ADK: variants seen among roughly 807,000 people sequenced by gnomAD.
ADK encodes the protein N6,N6-dimethyladenosine kinase.
A neutral mutation model predicts 44.7 loss-of-function variants in ADK; 24 were observed. The observed-to-expected ratio is 0.54, with a 90% CI of 0.39 to 0.76. ADK has a LOEUF of 0.76. Among genes scored for constraint, ADK ranks in the 30% least tolerant of loss-of-function variants. ADK has a pLI of 0.00. For synonymous variants in ADK, 128 were observed against 142.6 expected (o/e 0.90, Z 0.73); for missense variants, 321 against 425.1 (o/e 0.76, Z 2.15).
chr10:74,514,573 A>G (rs957577242), intron 6 of ADK, among the ~76,000 whole-genome samples: 3 of 151,578 alleles, frequency 2.0e-5, no homozygotes, highest in African/African-American at 7.3e-5. Context: ...TCATTCATTA[A>G]ATTCTTCAGC....
At chr10:74,214,631 A>G (rs1233874130) in intron 2 of ADK, among the ~76,000 whole-genome samples, 1 of 152,236 alleles carries the variant, frequency 6.6e-6, no homozygotes, top group African/African-American at 2.4e-5. Flanking sequence ...TCAAGGCACT[A>G]AGCTCTGTGC....
At chr10:74,683,124 A>T (rs1185109811) in intron 10 of ADK, among the ~76,000 whole-genome samples, 2 of 152,192 alleles carry the variant, frequency 1.3e-5, no homozygotes, top group African/African-American at 2.4e-5. Flanking sequence ...GCAGGGGGAA[A>T]CCATTACTTT....
chr10:74,631,953 T>G (rs1336382274), intron 9 of ADK, among the ~76,000 whole-genome samples: 1 of 152,164 alleles, frequency 6.6e-6, no homozygotes, highest in African/African-American at 2.4e-5. Flanking sequence ...CTTCTTTTTT[T>G]TTCTAACAGC....
intron 6 of ADK, among the ~76,000 whole-genome samples, chr10:74,474,021 T>G (rs1305765211): frequency 6.6e-6 from 1 of 152,236 alleles, no homozygotes; most frequent in Non-Finnish European, 1.5e-5. Context: ...ACAACTATGG[T>G]GTTCTAATGG....
chr10:74,380,619 G>A (rs1237885293), intron 4 of ADK, among the ~76,000 whole-genome samples: 1 of 152,026 alleles, frequency 6.6e-6, no homozygotes, highest in African/African-American at 2.4e-5. Flanking sequence ...TTAGCTGGGT[G>A]TGGTGGCATG....
intron 4 of ADK, among the ~76,000 whole-genome samples, chr10:74,334,241 CT>C (rs1030470304): frequency 2.0e-5 from 3 of 152,166 alleles, no homozygotes; most frequent in Admixed American, 6.5e-5. Flanking sequence ...TTTGTGAAGA[CT>C]GTAAGGTTCT....
chr10:74,245,057 A>G (rs550962151), intron 3 of ADK, among the ~76,000 whole-genome samples: 4 of 152,212 alleles, frequency 2.6e-5, no homozygotes, highest in African/African-American at 9.6e-5. Flanking sequence ...GATGCTTGTT[A>G]TAAGTATTTG....
chr10:74,280,746 C>T (rs1330263646), intron 3 of ADK, among the ~76,000 whole-genome samples: 1 of 152,120 alleles, frequency 6.6e-6, no homozygotes, highest in Admixed American at 6.5e-5. Context: ...TTCCACTGTC[C>T]AAAATTTTGT....
Position 74,414,465 on chromosome 10 carries a change from G to A in ADK, c.555+15886G>A, listed in dbSNP as rs567974809. Among the ~76,000 whole-genome samples, 3 of 152,300 alleles carry A rather than the reference G, an allele frequency of 2.0e-5. No homozygotes were observed. The South Asian group carries it at 6.2e-4, about 32-fold the overall frequency. On this transcript the variant is annotated intron_variant, in intron 6 of 10. Coordinates refer to ENST00000539909, the MANE Select transcript of ADK (RefSeq NM_006721.4). The stretch of plus-strand genomic sequence containing the variant: ...AGAGTGTGATTATAGGCTGGACGTG[G>A]TGGCTCACGCCTGTAATCCCAGCAT...
chr10:74,276,964 C>T (rs1410802033), intron 3 of ADK, among the ~76,000 whole-genome samples: 1 of 151,434 alleles, frequency 6.6e-6, no homozygotes, highest in African/African-American at 2.4e-5. Flanking sequence ...GTTGCACAGA[C>T]TGCAGTACAG....
At chr10:74,450,343 C>T (rs956439992) in intron 6 of ADK, among the ~76,000 whole-genome samples, 2 of 152,078 alleles carry the variant, frequency 1.3e-5, no homozygotes, top group Non-Finnish European at 2.9e-5. Flanking sequence ...AATACAGCCC[C>T]AATTTCTAAA....
intron 10 of ADK, among the ~76,000 whole-genome samples, chr10:74,684,613 A>T (rs1855725924): frequency 6.6e-6 from 1 of 152,166 alleles, no homozygotes; most frequent in Non-Finnish European, 1.5e-5. Flanking sequence ...GTCTACAAAA[A>T]ATTAATAAAT....
intron 10 of ADK, among the ~76,000 whole-genome samples, chr10:74,675,957 A>G (rs1855370964): frequency 6.6e-6 from 1 of 151,728 alleles, no homozygotes. Flanking sequence ...AAGTGAGTAC[A>G]CCTTTGACAG....
At chr10:74,591,439 C>T (rs533617066) in intron 8 of ADK, among the ~76,000 whole-genome samples, 2 of 152,256 alleles carry the variant, frequency 1.3e-5, no homozygotes, top group Admixed American at 6.5e-5. Flanking sequence ...AAAACCATCA[C>T]AAGCATTGCA....
intron 9 of ADK, among the ~76,000 whole-genome samples, chr10:74,664,510 T>C (rs1854876813): frequency 6.6e-6 from 1 of 152,150 alleles, no homozygotes; most frequent in African/African-American, 2.4e-5. Flanking sequence ...ACGAATACAT[T>C]ACCTACTCAA....
At chr10:74,466,757 A>T (rs1299802280) in intron 6 of ADK, among the ~76,000 whole-genome samples, 2 of 152,180 alleles carry the variant, frequency 1.3e-5, no homozygotes, top group African/African-American at 4.8e-5. Flanking sequence ...GGCCATTTTT[A>T]AAGGTTTCTC....
intron 3 of ADK, among the ~76,000 whole-genome samples, chr10:74,293,419 C>T (rs868355914): frequency 2.0e-5 from 3 of 152,002 alleles, no homozygotes; most frequent in Non-Finnish European, 2.9e-5. Context: ...ACATAATTTA[C>T]GATGCTTCTC....
At chr10:74,675,501 AC>A (rs1855356007) in intron 10 of ADK, among the ~76,000 whole-genome samples, 1 of 152,172 alleles carries the variant, frequency 6.6e-6, no homozygotes, top group South Asian at 2.1e-4. Context: ...CCCTGATAGA[AC>A]TAATCTTTTC....
intron 3 of ADK, among the ~76,000 whole-genome samples, chr10:74,306,799 C>T (rs1315576201): frequency 6.6e-6 from 1 of 152,168 alleles, no homozygotes; most frequent in Non-Finnish European, 1.5e-5. Flanking sequence ...TACCAGTGGT[C>T]TCCGCTCTGA....
Sources: allele counts gnomAD v4.1 joint callset (sites outside exome capture counted in the v4.1 genomes callset), GRCh38; gene constraint gnomAD v4.1.1; transcripts MANE v1.5; gene names NCBI Gene and HGNC (gene_info 2026-07-23, HGNC 2026-07-21).